Variants in SGCB observed in about 807,000 individuals in gnomAD.
SGCB encodes sarcoglycan beta, also known as beta-sarcoglycan.
SGCB carries 25 observed loss-of-function variants against 27.3 expected under a neutral mutation model. The observed-to-expected ratio is 0.92, with a 90% CI of 0.67 to 1.28. The LOEUF (loss-of-function observed/expected upper bound fraction) is 1.28, where lower values mean the gene tolerates loss of function less well. Among genes scored for constraint, SGCB ranks in the 50% most tolerant of loss-of-function variants. The pLI is 0.00. For missense variants in SGCB, 436 were observed against 402.1 expected, an observed-to-expected ratio of 1.08 and a Z score of -0.72; for synonymous variants, 147 against 133.5, an observed-to-expected ratio of 1.10 and a Z score of -0.70.
intron 2 of SGCB, 30 bp downstream of exon 2, chr4:52,033,401 A>G: frequency 6.8e-7 from 1 of 1,467,126 alleles, no homozygotes. Flanking sequence ...CCCCATGGCA[A>G]TTAAAATGAG....
In SGCB at chr4:52,022,748, A is replaced by G. The variant is rs1736987665; in HGVS notation, c.*1209T>C. Reference sequence around the variant, plus strand: ...GTTGCCCCGAGTGCTGAGGGTATAAATATCTTGGCAACTCTGTTATGTATT... The same window carrying G: ...GTTGCCCCGAGTGCTGAGGGTATAAGTATCTTGGCAACTCTGTTATGTATT... On this transcript the variant is annotated 3_prime_UTR_variant, in exon 6 of 6. Transcript: ENST00000381431. 6.6e-6 allele frequency: 1 copy of G among 152,168 alleles called. No individual in the cohort carries two copies. Among genetic ancestry groups the G allele is most frequent in the Non-Finnish European group, 1.5e-5 (1 of 68,028 alleles). 9.4% of individuals were successfully genotyped at this position (152,168 alleles called of 1,614,324 possible).
intron 1 of SGCB, among the ~76,000 whole-genome samples, chr4:52,037,868 T>A (rs1737436765): frequency 1.3e-5 from 2 of 152,172 alleles, no homozygotes; most frequent in Admixed American, 1.3e-4. Context: ...CGGTTATTTT[T>A]ATCCAAATCT....
At chr4:52,036,590 A>G (rs535691612) in intron 1 of SGCB, among the ~76,000 whole-genome samples, 48 of 152,324 alleles carry the variant, frequency 3.2e-4, no homozygotes, top group African/African-American at 8.4e-4. Context: ...AAGAGTCCCA[A>G]TGAGGTACTG....
intron 2 of SGCB, among the ~76,000 whole-genome samples, chr4:52,031,464 A>G (rs1175075181): frequency 1.4e-5 from 2 of 140,028 alleles, no homozygotes; most frequent in South Asian, 2.3e-4. Context: ...GCGCATATCT[A>G]TGAGTTCTTA....
rs1261870261 is a variant in SGCB at position 52,020,941 on chromosome 4, C to T, written c.*3016G>A. ...ACATTCTCATTCCCTTAAAAAAACA[C>T]TCATTCAAATCTAGGTAGAACTTCC... On this transcript the variant is annotated 3_prime_UTR_variant, in exon 6 of 6. Transcript: ENST00000381431. The T allele has an allele frequency of 6.6e-6, 1 of 152,420 alleles. No homozygotes were observed. The highest frequency in any genetic ancestry group is 6.5e-5 in the Admixed American group (1 of 15,276). 9.4% of individuals were successfully genotyped at this position (152,420 alleles called of 1,614,324 possible).
chr4:52,030,532 CA>C (rs1210955663), intron 2 of SGCB, among the ~76,000 whole-genome samples: 2 of 152,158 alleles, frequency 1.3e-5, no homozygotes, highest in Non-Finnish European at 2.9e-5. Context: ...TAATTAATCT[CA>C]AATCCTCCAC....
rs1047491385 is a variant in SGCB at position 52,023,874 on chromosome 4, C to G, written c.*83G>C. The G allele has an allele frequency of 2.8e-6, 3 of 1,074,680 alleles. No individual in the cohort carries two copies. The highest frequency in any genetic ancestry group is 3.1e-5 in the African/African-American group (2 of 64,674). 66.6% of individuals were successfully genotyped at this position (1,074,680 alleles called of 1,614,324 possible). ...TGCCATTAAAATAATTATGAGTTAT[C>G]ACAAACTCTGTAAAAACAATGATTT... On this transcript the variant is annotated 3_prime_UTR_variant, in exon 6 of 6. Coordinates refer to ENST00000381431, the MANE Select transcript of SGCB (RefSeq NM_000232.5).
rs1237541210 is a variant in SGCB, at chr4:52,027,844, G to A, written c.753+124C>T. 6.6e-6 allele frequency: 6 copies of A among 904,838 alleles called. No homozygotes were observed. In the Admixed American group the frequency reaches 1.4e-4, roughly 21 times the overall value. The allele number at this position is 904,838 out of a possible 1,614,324, so 56.1% of individuals were successfully genotyped here. On this transcript the variant is annotated intron_variant, in intron 5 of 5. Coordinates refer to ENST00000381431, the MANE Select transcript of SGCB (RefSeq NM_000232.5). ...TTTCTTTTACTTCACAACCCACTTT[G>A]AACATCTTTCCATGTCAAAAAATAG... is the stretch of plus-strand genomic sequence containing the variant.
chr4:52,031,426 G>C (rs1030234573), intron 2 of SGCB, among the ~76,000 whole-genome samples: 2 of 111,700 alleles, frequency 1.8e-5, no homozygotes, highest in Admixed American at 1.8e-4. Flanking sequence ...GTGTGTGTGT[G>C]TGTGTGTGTG....
At chr4:52,030,010 T>C (rs1004809347) in intron 2 of SGCB, 147 bp from the exon 3 acceptor site, 3 of 672,166 alleles carry the variant, frequency 4.5e-6, no homozygotes, top group Non-Finnish European at 7.9e-6. Flanking sequence ...TTTCCACTTA[T>C]AAACAAAACG....
chr4:52,033,972 T>G lies in SGCB; in HGVS notation c.34-332A>C, dbSNP rs1017491849. On this transcript the variant is annotated intron_variant, in intron 1 of 5. Coordinates refer to ENST00000381431, the MANE Select transcript of SGCB (RefSeq NM_000232.5). ...CTTTTATTAATAATTTATTAATTTTTTTACGTATACAACTGGCCCTCCATA... is the reference window on the plus strand; with the variant it reads ...CTTTTATTAATAATTTATTAATTTTGTTACGTATACAACTGGCCCTCCATA... Among the ~76,000 whole-genome samples, 3 of 152,084 alleles carry G rather than the reference T, an allele frequency of 2.0e-5. No homozygotes were observed. The East Asian group carries it at 5.8e-4, about 29-fold the overall frequency.
In SGCB at chr4:52,021,804, A is replaced by C. The variant is rs1224992169; in HGVS notation, c.*2153T>G. On this transcript the variant is annotated 3_prime_UTR_variant, in exon 6 of 6. Transcript: ENST00000381431. ...TACCTGTAAAGTATCATAAAATGCTATGGCTGTTAACCTTCAGTTGTATAA... is the reference window on the plus strand; with the variant it reads ...TACCTGTAAAGTATCATAAAATGCTCTGGCTGTTAACCTTCAGTTGTATAA... 1 of 152,210 alleles carries C rather than the reference A, an allele frequency of 6.6e-6. No homozygotes were observed. The allele number at this position is 152,210 out of a possible 1,614,324, so 9.4% of individuals were successfully genotyped here. A position where few individuals can be genotyped will look rare whatever the true frequency, so the allele number is the denominator to read the frequency against.
intron 5 of SGCB, among the ~76,000 whole-genome samples, chr4:52,026,346 C>T (rs1422432003): frequency 1.4e-5 from 2 of 145,766 alleles, no homozygotes; most frequent in Admixed American, 7.1e-5. Context: ...GCAATCTCTG[C>T]CTCCTGGTTT....
At chr4:52,031,043 T>C (rs1737230917) in intron 2 of SGCB, among the ~76,000 whole-genome samples, 1 of 152,196 alleles carries the variant, frequency 6.6e-6, no homozygotes, top group Non-Finnish European at 1.5e-5. Flanking sequence ...TCTTTATACA[T>C]AACCTGCTTT....
rs558815450 is a variant in SGCB at position 52,032,064 on chromosome 4, G to A, written c.243+1367C>T. The A allele has an allele frequency of 5.5e-5, 23 of 419,166 alleles. No homozygotes were observed. In the East Asian group the frequency reaches 7.8e-4, roughly 14 times the overall value. 26.0% of individuals were successfully genotyped at this position (419,166 alleles called of 1,614,324 possible). A position where few individuals can be genotyped will look rare whatever the true frequency, so the allele number is the denominator to read the frequency against. On this transcript the variant is annotated intron_variant, in intron 2 of 5. Coordinates refer to ENST00000381431, the MANE Select transcript of SGCB (RefSeq NM_000232.5). ...ACCCAACCCCTACCCTCCAGTATCC[G>A]CAGGCAGATAGAATCCTCTCTGGTC...
At chr4:52,034,410 C>A (rs1314670854) in intron 1 of SGCB, among the ~76,000 whole-genome samples, 1 of 129,546 alleles carries the variant, frequency 7.7e-6, no homozygotes. Flanking sequence ...ACATGTACGA[C>A]TTTTTCCTTG....
chr4:52,025,355 T>C (rs1315087215), intron 5 of SGCB, among the ~76,000 whole-genome samples: 3 of 94,190 alleles, frequency 3.2e-5, no homozygotes, highest in Non-Finnish European at 9.2e-5. Flanking sequence ...TGTGGTTTGA[T>C]AAGGTCACAC....
rs892087409 is a variant in SGCB at position 52,021,118 on chromosome 4, T to C, written c.*2839A>G. The C allele has an allele frequency of 4.6e-5, 7 of 152,234 alleles. No individual in the cohort carries two copies. Among genetic ancestry groups the C allele is most frequent in the Admixed American group, 3.9e-4 (6 of 15,286 alleles). The allele number at this position is 152,234 out of a possible 1,614,324, so 9.4% of individuals were successfully genotyped here. A position where few individuals can be genotyped will look rare whatever the true frequency, so the allele number is the denominator to read the frequency against. ...CTGCCCATTATTAAGAAATCTTGCA[T>C]TGATTTCATTTGCCCCCCTTGTCAT... On this transcript the variant is annotated 3_prime_UTR_variant, in exon 6 of 6. Transcript: ENST00000381431.
At chr4:52,037,980 C>T (rs1412410909) in intron 1 of SGCB, among the ~76,000 whole-genome samples, 1 of 152,160 alleles carries the variant, frequency 6.6e-6, no homozygotes, top group Admixed American at 6.5e-5. Flanking sequence ...CCCCTCCTCA[C>T]CCCCTCCGAG....
Sources: gnomAD v4.1 joint callset for allele counts (sites outside exome capture counted in the v4.1 genomes callset) on GRCh38, gnomAD v4.1.1 for gene constraint, MANE v1.5 for transcripts, NCBI Gene and HGNC (gene_info 2026-07-23, HGNC 2026-07-21) for gene names.